The following FMO1 variants were observed in gnomAD, a reference collection of about 807,000 sequenced individuals.
FMO1 encodes the protein flavin-containing monooxygenase 1.
Under a neutral mutation model 45.4 loss-of-function variants are expected in FMO1, and 36 were observed. The ratio of observed to expected loss-of-function variants is 0.79; its 90% confidence interval spans 0.61 to 1.05. The LOEUF (loss-of-function observed/expected upper bound fraction) is 1.05, where lower values mean the gene tolerates loss of function less well. Ranked by LOEUF, FMO1 falls within the 50% of genes least tolerant of loss-of-function variation. FMO1 has a pLI of 0.00. For synonymous variants in FMO1, 228 were observed against 227.2 expected (o/e 1.00, Z -0.03); for missense variants, 615 against 640.3 (o/e 0.96, Z 0.43).
In FMO1 at chr1:171,281,906, G is replaced by A. The variant is rs554186750; in HGVS notation, c.828-72G>A. 75 of 803,442 alleles carry A rather than the reference G, an allele frequency of 9.3e-5. No individual in the cohort carries two copies. The African/African-American group carries it at 1.1e-3, about 12-fold the overall frequency. 49.8% of individuals were successfully genotyped at this position (803,442 alleles called of 1,614,324 possible). ...GGAGAGAGCCCCAGAATGAGAGAGGGAGGTAAAGAGAAGGGAGAGCTGGCT... is the reference window on the plus strand; with the variant it reads ...GGAGAGAGCCCCAGAATGAGAGAGGAAGGTAAAGAGAAGGGAGAGCTGGCT... On this transcript the variant is annotated intron_variant, in intron 6 of 8. Transcript: ENST00000617670.
chr1:171,270,327 T>C (rs1032270324), intron 3 of FMO1, among the ~76,000 whole-genome samples: 1 of 152,188 alleles, frequency 6.6e-6, no homozygotes, highest in Non-Finnish European at 1.5e-5. Flanking sequence ...TATCTCAACT[T>C]AACTTTACCC....
At chr1:171,275,162 C>T (rs2101830735) in intron 3 of FMO1, among the ~76,000 whole-genome samples, 184 bp from the exon 4 acceptor site, 1 of 152,290 alleles carries the variant, frequency 6.6e-6, no homozygotes, top group East Asian at 1.9e-4. Context: ...TCTCTCCAAG[C>T]TTAGACTACC....
At chr1:171,249,282 G>T (rs1659771587) in intron 1 of FMO1, among the ~76,000 whole-genome samples, 1 of 152,114 alleles carries the variant, frequency 6.6e-6, no homozygotes. Flanking sequence ...TAGATATTCA[G>T]GTCTATGCCA....
chr1:171,269,077 A>G (rs1156922015), intron 3 of FMO1, among the ~76,000 whole-genome samples: 2 of 152,214 alleles, frequency 1.3e-5, no homozygotes, highest in African/African-American at 4.8e-5. Flanking sequence ...TTCCCCAGCC[A>G]CAAGGAACTG....
rs1432588819 is a variant in FMO1, at chr1:171,281,992, A to G, written c.842A>G (p.Glu281Gly). Residue 281 changes from glutamate (E) to glycine (G), a missense_variant, in exon 7 of 9, where the codon GAG (glutamate) becomes GGG (glycine). Physicochemically the swap from Glu to Gly is moderately conservative, Grantham distance 98. Coordinates refer to ENST00000617670, the MANE Select transcript of FMO1 (RefSeq NM_001282693.2). ...LIPEDRTQLKEFVLNDELPGR... is the reference protein window; with the variant it reads ...LIPEDRTQLKGFVLNDELPGR... ...TTTTTGTTTAGGACTCAGCTGAAAG[A>G]GTTTGTGCTAAATGATGAGCTCCCA... 17 of 1,605,276 alleles carry G rather than the reference A, an allele frequency of 1.1e-5. No homozygotes were observed. The highest frequency in any genetic ancestry group is 1.4e-5 in the Non-Finnish European group (17 of 1,175,926).
intron 1 of FMO1, among the ~76,000 whole-genome samples, chr1:171,253,387 C>A (rs1384811424): frequency 6.6e-6 from 1 of 152,114 alleles, no homozygotes; most frequent in Non-Finnish European, 1.5e-5. Flanking sequence ...CAAAAGACTG[C>A]CAGGCATGGT....
At chr1:171,252,503 G>C (rs111844812) in intron 1 of FMO1, among the ~76,000 whole-genome samples, 2 of 152,184 alleles carry the variant, frequency 1.3e-5, no homozygotes, top group Non-Finnish European at 2.9e-5. Context: ...TCAGCCCCCC[G>C]CCATGCCTCT....
intron 1 of FMO1, among the ~76,000 whole-genome samples, chr1:171,254,782 A>G (rs1345258435): frequency 6.6e-6 from 1 of 152,172 alleles, no homozygotes; most frequent in African/African-American, 2.4e-5. Context: ...AAGTCTATTC[A>G]TCCTTCAAAA....
Position 171,255,445 on chromosome 1 carries a change from A to C in FMO1, c.-6-2637A>C, listed in dbSNP as rs192568035. On this transcript the variant is annotated intron_variant, in intron 1 of 8. Coordinates refer to ENST00000617670, the MANE Select transcript of FMO1 (RefSeq NM_001282693.2). ...TCCACAGCTAGCTCACAGCAGATCC[A>C]GGTCTCCAGCTGTACTTCCCTCTGC... 8.7e-4 allele frequency among the ~76,000 whole-genome samples: 133 copies of C among 152,352 alleles called. 2 individuals carry two copies. Among genetic ancestry groups the C allele is most frequent in the Middle Eastern group, 3.4e-3 (1 of 294 alleles).
rs1661607162 is a variant in FMO1 at position 171,285,868 on chromosome 1, CA to C, written c.*326del. 1 of 199,498 alleles carries C rather than the reference CA, an allele frequency of 5.0e-6. No homozygotes were observed. The highest frequency in any genetic ancestry group is 1.9e-4 in the South Asian group (1 of 5,272). The allele number at this position is 199,498 out of a possible 1,614,324, so 12.4% of individuals were successfully genotyped here. ...CCATATAAACTATTTTCACAGATCT[CA>C]ACTAAAACCCCTTACTTCACAAATG... On this transcript the variant is annotated 3_prime_UTR_variant, in exon 9 of 9. Transcript: ENST00000617670.
chr1:171,249,703 A>ATG (rs1199199934), intron 1 of FMO1, among the ~76,000 whole-genome samples: 4 of 149,884 alleles, frequency 2.7e-5, no homozygotes, highest in Admixed American at 6.6e-5. Context: ...GTGTGTGTGT[A>ATG]TGTGTGTGTG....
chr1:171,249,009 T>C (rs1000506690), intron 1 of FMO1, among the ~76,000 whole-genome samples: 1 of 151,584 alleles, frequency 6.6e-6, no homozygotes, highest in Non-Finnish European at 1.5e-5. Context: ...CTTCTAACAT[T>C]GTCTGAGATC....
chr1:171,270,645 A>C (rs1424150753), intron 3 of FMO1: 6 of 1,001,506 alleles, frequency 6.0e-6, no homozygotes, highest in Non-Finnish European at 1.2e-6. Flanking sequence ...GAAGATGAAA[A>C]AACTACCATC....
chr1:171,270,099 C>T (rs138513535), intron 3 of FMO1, among the ~76,000 whole-genome samples: 2,229 of 152,234 alleles, frequency 0.015, 65 homozygotes, highest in African/African-American at 0.051. Context: ...CAAAATATAA[C>T]TGCCATTACA....
At chr1:171,263,892 T>A (rs935319322) in intron 2 of FMO1, among the ~76,000 whole-genome samples, 1 of 152,108 alleles carries the variant, frequency 6.6e-6, no homozygotes, top group Non-Finnish European at 1.5e-5. Flanking sequence ...AGGGGCCAGG[T>A]CCCACCAATA....
At chr1:171,277,683 G>A (rs1159091359) in intron 4 of FMO1, among the ~76,000 whole-genome samples, 1 of 152,094 alleles carries the variant, frequency 6.6e-6, no homozygotes, top group Non-Finnish European at 1.5e-5. Context: ...CTCTTTCTTC[G>A]CAACAGTTCT....
At chr1:171,255,324 T>C (rs1660102408) in intron 1 of FMO1, among the ~76,000 whole-genome samples, 1 of 152,180 alleles carries the variant, frequency 6.6e-6, no homozygotes, top group African/African-American at 2.4e-5. Context: ...TAAAGGCAAA[T>C]GTTTACATTA....
chr1:171,257,033 T>C (rs1660189441), intron 1 of FMO1, among the ~76,000 whole-genome samples: 1 of 152,236 alleles, frequency 6.6e-6, no homozygotes, highest in African/African-American at 2.4e-5. Flanking sequence ...TTTTAAAGTT[T>C]CAATAACTTA....
chr1:171,265,056 A>G (rs1187311800), intron 2 of FMO1, among the ~76,000 whole-genome samples: 3 of 152,166 alleles, frequency 2.0e-5, no homozygotes, highest in African/African-American at 7.2e-5. Context: ...AGAACAATCA[A>G]GTTTTTTTCC....
Sources: gnomAD v4.1 joint callset for allele counts (sites outside exome capture counted in the v4.1 genomes callset) on GRCh38, gnomAD v4.1.1 for gene constraint, MANE v1.5 for transcripts, NCBI Gene and HGNC (gene_info 2026-07-23, HGNC 2026-07-21) for gene names.